IFT27: variants seen among roughly 807,000 people sequenced by gnomAD.
The protein encoded by IFT27 is intraflagellar transport protein 27 homolog.
In IFT27, 19 loss-of-function variants were observed where a neutral mutation model predicts 23.9. The observed-to-expected ratio is 0.79, with a 90% CI of 0.55 to 1.16. The LOEUF (loss-of-function observed/expected upper bound fraction) is 1.16. IFT27 is among the 50% of genes most tolerant of loss of function. The pLI is 0.00. For missense variants in IFT27, 206 were observed against 228.7 expected (o/e 0.90, Z 0.64); for synonymous variants, 91 against 89.1 (o/e 1.02, Z -0.12).
At chr22:36,765,916 C>T (rs575910296) in intron 4 of IFT27, among the ~76,000 whole-genome samples, 28 of 152,352 alleles carry the variant, frequency 1.8e-4, no homozygotes, top group African/African-American at 6.3e-4. Context: ...CCCATTGGAT[C>T]CTGGGCACCC....
chr22:36,769,358 C>T (rs182172973), intron 1 of IFT27, among the ~76,000 whole-genome samples: 12 of 152,266 alleles, frequency 7.9e-5, no homozygotes, highest in Admixed American at 5.9e-4. Context: ...GGGACCACTT[C>T]TGACACTTTT....
intron 2 of IFT27, 23 bp from the exon 3 acceptor site, chr22:36,767,388 T>C: frequency 6.2e-7 from 1 of 1,605,578 alleles, no homozygotes; most frequent in South Asian, 1.1e-5. Context: ...ACCAAGAATG[T>C]TAGCACTGAG....
intron 3 of IFT27, chr22:36,766,499 A>G: frequency 2.4e-6 from 1 of 424,398 alleles, no homozygotes; most frequent in Non-Finnish European, 4.4e-6. Context: ...CCCACCTGGC[A>G]GAACAGAATG....
chr22:36,767,930 G>A lies in IFT27; in HGVS notation c.35-68C>T, dbSNP rs1202109854. Reference sequence around the variant, plus strand: ...TCTGACTTGAGAATCTCCCGCTGCAGAACATTAGTCTAGAAACCAAAAACT... The same window carrying A: ...TCTGACTTGAGAATCTCCCGCTGCAAAACATTAGTCTAGAAACCAAAAACT... On this transcript the variant is annotated intron_variant, in intron 1 of 6. Transcript: ENST00000433985. 16 of 1,383,054 alleles carry A rather than the reference G, an allele frequency of 1.2e-5. 1 individual carries two copies. In the South Asian group the frequency reaches 1.8e-4, roughly 16 times the overall value. The allele number at this position is 1,383,054 out of a possible 1,614,324, so 85.7% of individuals were successfully genotyped here.
chr22:36,761,384 C>T (rs1278540615), intron 6 of IFT27: 1 of 152,138 alleles, frequency 6.6e-6, no homozygotes, highest in African/African-American at 2.4e-5. Context: ...ATGGCAAACC[C>T]TCTATACAGG....
chr22:36,775,286 A>C (rs1478258560), intron 1 of IFT27, among the ~76,000 whole-genome samples: 1 of 152,176 alleles, frequency 6.6e-6, no homozygotes, highest in Non-Finnish European at 1.5e-5. Flanking sequence ...AAGACTACCA[A>C]AGTCACTGAT....
intron 1 of IFT27, among the ~76,000 whole-genome samples, chr22:36,773,280 C>T (rs190057220): frequency 3.3e-5 from 5 of 152,100 alleles, no homozygotes; most frequent in African/African-American, 1.2e-4. Flanking sequence ...ATCATTTAAA[C>T]CCAGGAGGTG....
intron 1 of IFT27, among the ~76,000 whole-genome samples, chr22:36,769,990 C>T (rs973097358): frequency 1.3e-5 from 2 of 152,144 alleles, no homozygotes; most frequent in African/African-American, 2.4e-5. Context: ...AACTGATAAA[C>T]ACATTTGCAG....
intron 6 of IFT27, chr22:36,759,111 G>GT (rs887896345): frequency 1.6e-4 from 24 of 152,626 alleles, no homozygotes; most frequent in African/African-American, 5.5e-4. Context: ...GGGACCACCT[G>GT]TGAGAAGCAG....
At chr22:36,775,245 G>C (rs950531044) in intron 1 of IFT27, among the ~76,000 whole-genome samples, 1 of 88,132 alleles carries the variant, frequency 1.1e-5, no homozygotes, top group African/African-American at 3.6e-5. Flanking sequence ...GTTATCAGAG[G>C]GGGTGAGGTC....
At chr22:36,775,625 C>A in intron 1 of IFT27, 49 bp downstream of exon 1, 1 of 1,602,294 alleles carries the variant, frequency 6.2e-7, no homozygotes, top group Non-Finnish European at 8.6e-7. Flanking sequence ...ATTATGAAGG[C>A]TCTGGACTCC....
At position 36,758,803 on chromosome 22, in the gene IFT27, G is replaced by A. The variant is rs532900245; in HGVS notation, c.463-394C>T. Reference sequence around the variant, plus strand: ...CAAGGAACCTGGAGCCCCCCATCCCGAAGAAGAGCTAGACAGCATGGGGCA... The same window carrying A: ...CAAGGAACCTGGAGCCCCCCATCCCAAAGAAGAGCTAGACAGCATGGGGCA... On this transcript the variant is annotated intron_variant, in intron 6 of 6. Coordinates refer to ENST00000433985, the MANE Select transcript of IFT27 (RefSeq NM_001177701.3). The A allele has an allele frequency of 6.2e-4, 126 of 202,738 alleles. 1 individual carries two copies. The Middle Eastern group carries it at 0.024, about 39-fold the overall frequency. 12.6% of individuals were successfully genotyped at this position (202,738 alleles called of 1,614,324 possible). A position where few individuals can be genotyped will look rare whatever the true frequency, so the allele number is the denominator to read the frequency against.
At chr22:36,763,143 G>GC (rs575425355) in intron 5 of IFT27, 130 bp from the exon 6 acceptor site, 13 of 560,990 alleles carry the variant, frequency 2.3e-5, no homozygotes, top group East Asian at 6.6e-5. Flanking sequence ...GAGGTGGTGA[G>GC]CCCCCCCACA....
At chr22:36,767,964 T>G in intron 1 of IFT27, 102 bp from the exon 2 acceptor site, 1 of 1,057,464 alleles carries the variant, frequency 9.5e-7, no homozygotes, top group Admixed American at 1.7e-5. Context: ...CTTCAATGAG[T>G]TTTGAGAGAT....
intron 6 of IFT27, chr22:36,762,009 C>T (rs1938103251): frequency 6.6e-6 from 1 of 152,236 alleles, no homozygotes; most frequent in Non-Finnish European, 1.5e-5. Context: ...TGGTGATCTC[C>T]CCAGCTAGCA....
intron 6 of IFT27, 109 bp from the exon 7 acceptor site, chr22:36,758,518 C>T: frequency 1.2e-6 from 1 of 814,694 alleles, no homozygotes; most frequent in Non-Finnish European, 2.1e-6. Context: ...CACCTCATTT[C>T]ATCTTCACGC....
intron 1 of IFT27, among the ~76,000 whole-genome samples, chr22:36,773,684 A>G (rs980721333): frequency 2.6e-5 from 4 of 151,180 alleles, no homozygotes; most frequent in Admixed American, 6.6e-5. Flanking sequence ...ATAGAAGGAC[A>G]CAGAGGAGCA....
intron 3 of IFT27, 125 bp from the exon 4 acceptor site, chr22:36,766,322 C>G: frequency 1.3e-6 from 1 of 752,774 alleles, no homozygotes; most frequent in Non-Finnish European, 2.3e-6. Flanking sequence ...CATCTTCACA[C>G]ATGCTCTGTC....
At chr22:36,760,806 G>T in intron 6 of IFT27, 1 of 167,134 alleles carries the variant, frequency 6.0e-6, no homozygotes. Flanking sequence ...GCACACAGTA[G>T]GCCCTCATCA....
Sources: allele counts gnomAD v4.1 joint callset (sites outside exome capture counted in the v4.1 genomes callset), GRCh38; gene constraint gnomAD v4.1.1; transcripts MANE v1.5; gene names NCBI Gene and HGNC (gene_info 2026-07-23, HGNC 2026-07-21).